The following LPCAT3 variants were observed in gnomAD, a reference collection of about 807,000 sequenced individuals.
LPCAT3 encodes lysophospholipid acyltransferase 5.
LPCAT3 carries 21 observed loss-of-function variants against 63.4 expected under a neutral mutation model. The ratio of observed to expected loss-of-function variants is 0.33; its 90% CI spans 0.23 to 0.48. The LOEUF (loss-of-function observed/expected upper bound fraction) is 0.48, where lower values mean the gene tolerates loss of function less well. Ranked by LOEUF, LPCAT3 falls within the 20% of genes least tolerant of loss-of-function variation. The pLI, the probability that LPCAT3 is intolerant of heterozygous loss-of-function variation, is 0.99. For synonymous variants in LPCAT3, 242 were observed against 227.5 expected (o/e 1.06, Z -0.58); for missense variants, 451 against 590.6 (o/e 0.76, Z 2.45).
At position 6,979,703 on chromosome 12, in the gene LPCAT3, G is replaced by C. The variant is rs1240976403; in HGVS notation, c.678-124C>G. ...TTGTCTACCTGGAATGGGATGAGAA[G>C]CTCTGCTGCCCAAAGTGTTTCCTGT... is the stretch of plus-strand genomic sequence containing the variant. On this transcript the variant is annotated intron_variant, in intron 6 of 12. Coordinates refer to ENST00000261407, the MANE Select transcript of LPCAT3 (RefSeq NM_005768.6). The C allele has an allele frequency of 8.9e-6, 6 of 675,004 alleles. No homozygotes were observed. In the African/African-American group the frequency reaches 1.1e-4, roughly 12 times the overall value. The allele number at this position is 675,004 out of a possible 1,614,324, so 41.8% of individuals were successfully genotyped here. A position where few individuals can be genotyped will look rare whatever the true frequency, so the allele number is the denominator to read the frequency against.
intron 1 of LPCAT3, among the ~76,000 whole-genome samples, chr12:6,998,536 A>G (rs1946657464): frequency 6.6e-6 from 1 of 152,236 alleles, no homozygotes; most frequent in South Asian, 2.1e-4. Flanking sequence ...AGGAGAGTTA[A>G]GCTCTGCCTG....
At chr12:6,984,812 TGGGC>T (rs1946504962) in intron 1 of LPCAT3, among the ~76,000 whole-genome samples, 1 of 152,160 alleles carries the variant, frequency 6.6e-6, no homozygotes, top group African/African-American at 2.4e-5. Flanking sequence ...CTTGACCTCC[TGGGC>T]TCAAGGAATC....
intron 6 of LPCAT3, among the ~76,000 whole-genome samples, chr12:6,980,136 C>T (rs1327723119): frequency 6.6e-6 from 1 of 150,838 alleles, no homozygotes; most frequent in Non-Finnish European, 1.5e-5. Context: ...TGGCCTTGAA[C>T]TCCTGGGCTC....
intron 1 of LPCAT3, among the ~76,000 whole-genome samples, chr12:7,014,643 T>C (rs782762084): frequency 8.6e-5 from 13 of 152,006 alleles, no homozygotes; most frequent in Non-Finnish European, 1.9e-4. Flanking sequence ...ACGCCTGTAA[T>C]TCCAGCACTT....
intron 1 of LPCAT3, among the ~76,000 whole-genome samples, chr12:7,001,990 C>T (rs942539948): frequency 6.6e-6 from 1 of 152,010 alleles, no homozygotes; most frequent in Non-Finnish European, 1.5e-5. Context: ...GCTAGAGCTA[C>T]GTATTTTAGA....
intron 6 of LPCAT3, 157 bp from the exon 7 acceptor site, chr12:6,979,736 A>T (rs1382949895): frequency 2.1e-5 from 13 of 619,006 alleles, no homozygotes; most frequent in Non-Finnish European, 3.5e-5. Flanking sequence ...TGTTTCAGGG[A>T]AAGATTTCTA....
chr12:7,005,029 C>T (rs1003085627), intron 1 of LPCAT3, among the ~76,000 whole-genome samples: 2 of 152,146 alleles, frequency 1.3e-5, no homozygotes, highest in Non-Finnish European at 2.9e-5. Context: ...AATGCCAGAA[C>T]ATTTTCATCT....
chr12:6,980,157 C>T (rs187448382), intron 6 of LPCAT3, among the ~76,000 whole-genome samples: 1 of 152,092 alleles, frequency 6.6e-6, no homozygotes, highest in Non-Finnish European at 1.5e-5. Flanking sequence ...AAGCGATCCC[C>T]TTGCCTTGGC....
Position 6,981,053 on chromosome 12 carries a change from T to G in LPCAT3, c.628A>C (p.Lys210Gln), listed in dbSNP as rs1555153993. Residue 210 changes from lysine to glutamine, a missense_variant, in exon 6 of 13, where the codon AAG (lysine) becomes CAG (glutamine). By Grantham distance (53) the Lys-to-Gln change is moderately conservative (BLOSUM62 1). This residue lies in a region of LPCAT3 where 304 missense variants were observed against 390.8 expected (regional missense o/e 0.78). Coordinates refer to ENST00000261407, the MANE Select transcript of LPCAT3 (RefSeq NM_005768.6). Reference protein sequence around the residue: ...GPQFSMNHYMKLVQGELIDIP... With the variant: ...GPQFSMNHYMQLVQGELIDIP... ...TCAATCAGCTCTCCCTGCACCAGCT[T>G]CATGTAGTGATTCATTGAGAACTGG... 3.1e-6 allele frequency: 5 copies of G among 1,612,218 alleles called. No individual in the cohort carries two copies. The highest frequency in any genetic ancestry group is 2.5e-6 in the Non-Finnish European group (3 of 1,179,372).
At chr12:6,997,379 A>ATGTG (rs201579525) in intron 1 of LPCAT3, 24,449 of 113,886 alleles carry the variant, frequency 0.21, 2,707 homozygotes, top group Admixed American at 0.27. Context: ...ACAGCAAATT[A>ATGTG]TGTGTGTGTG....
chr12:6,978,728 T>C, intron 7 of LPCAT3, 39 bp from the exon 8 acceptor site: 1 of 1,609,362 alleles, frequency 6.2e-7, no homozygotes, highest in Non-Finnish European at 8.5e-7. Context: ...GGATATCACA[T>C]GACTAGGCAG....
Position 6,977,783 on chromosome 12 carries a change from C to T in LPCAT3, c.1041-38G>A. The T allele has an allele frequency of 6.2e-7, 1 of 1,611,954 alleles. No homozygotes were observed. The highest frequency in any genetic ancestry group is 8.5e-7 in the Non-Finnish European group (1 of 1,179,022). ...GTGGGTGGGGCGACCCTCAAACTGA[C>T]TGGTCCTTGCATCCCGCCACCTGCC... is the stretch of plus-strand genomic sequence containing the variant. On this transcript the variant is annotated intron_variant, in intron 9 of 12. Transcript: ENST00000261407. This position sits in a 1 kb window ranked among gnomAD's most constrained non-coding sequence, Gnocchi z 4.5.
chr12:6,995,585 C>T (rs963327111), intron 1 of LPCAT3, among the ~76,000 whole-genome samples: 1 of 152,084 alleles, frequency 6.6e-6, no homozygotes, highest in African/African-American at 2.4e-5. Flanking sequence ...TCACCATGAC[C>T]ATCACCACTC....
intron 1 of LPCAT3, among the ~76,000 whole-genome samples, chr12:7,013,630 T>C (rs1386202298): frequency 1.3e-5 from 2 of 152,174 alleles, no homozygotes; most frequent in Non-Finnish European, 2.9e-5. Context: ...AGCAGCTGTG[T>C]AGATGACTGT....
In LPCAT3 at chr12:6,977,874, G is replaced by GC; in HGVS notation, c.1041-130_1041-129insG. Reference sequence around the variant, plus strand: ...GGTTCCCACGTGTAGCCCCCAGAGGGTACAGGAGGCAGTGCTGACTGATTA... The same window carrying GC: ...GGTTCCCACGTGTAGCCCCCAGAGGGCTACAGGAGGCAGTGCTGACTGATTA... On this transcript the variant is annotated intron_variant, in intron 9 of 12. Coordinates refer to ENST00000261407, the MANE Select transcript of LPCAT3 (RefSeq NM_005768.6). The surrounding 1 kb of genome is among the most constrained non-coding windows in gnomAD (Gnocchi z 4.5). 3 of 1,074,092 alleles carry GC rather than the reference G, an allele frequency of 2.8e-6. No homozygotes were observed. The highest frequency in any genetic ancestry group is 4.1e-6 in the Non-Finnish European group (3 of 724,408). The allele number at this position is 1,074,092 out of a possible 1,614,324, so 66.5% of individuals were successfully genotyped here.
chr12:7,006,566 T>C (rs1387536663), intron 1 of LPCAT3, among the ~76,000 whole-genome samples: 2 of 152,232 alleles, frequency 1.3e-5, no homozygotes, highest in Non-Finnish European at 2.9e-5. Flanking sequence ...GGAGTTCCCA[T>C]GTTTTGCTAT....
Position 6,981,145 on chromosome 12 carries a change from C to A in LPCAT3, c.536G>T (p.Arg179Leu). 1 of 1,613,182 alleles carries A rather than the reference C, an allele frequency of 6.2e-7. No homozygotes were observed. Among genetic ancestry groups the A allele is most frequent in the Non-Finnish European group, 8.5e-7 (1 of 1,179,710 alleles). Residue 179 changes from arginine (R) to leucine (L), a missense_variant, in exon 6 of 13, where the codon CGT becomes CTT. By Grantham distance (102) the Arg-to-Leu change is moderately radical. Around this residue, in one of 3 missense-constraint regions of LPCAT3, gnomAD observed 304 missense variants for 390.8 expected, o/e 0.78. Coordinates refer to ENST00000261407, the MANE Select transcript of LPCAT3 (RefSeq NM_005768.6). ...AACTTCCAGCAGGGAAGGAACACCA[C>A]GTATGGCATATTTCTGTTGCTCAGA... The part of the protein sequence containing the change: ...LSSEQQKYAI[R>L]GVPSLLEVAG...
intron 1 of LPCAT3, among the ~76,000 whole-genome samples, chr12:7,012,855 A>C (rs1946772791): frequency 6.6e-6 from 1 of 152,208 alleles, no homozygotes; most frequent in Non-Finnish European, 1.5e-5. Context: ...TTATCTTTCC[A>C]GCTACTCAGG....
intron 1 of LPCAT3, among the ~76,000 whole-genome samples, chr12:7,001,789 T>C (rs1000930753): frequency 1.4e-4 from 21 of 152,164 alleles, no homozygotes; most frequent in African/African-American, 5.1e-4. Context: ...TCTTCCTTTT[T>C]CACTAACATT....
Sources: gnomAD v4.1 joint callset for allele counts (sites outside exome capture counted in the v4.1 genomes callset) on GRCh38, gnomAD v4.1.1 for gene constraint, gnomAD v4.1.1 regional missense constraint, Gnocchi (gnomAD v3.1) non-coding constraint, MANE v1.5 for transcripts, NCBI Gene and HGNC (gene_info 2026-07-23, HGNC 2026-07-21) for gene names.